The following NR3C1 variants were observed in gnomAD, a reference collection of about 807,000 sequenced individuals.
The protein encoded by NR3C1 is glucocorticoid receptor.
A neutral mutation model predicts 74.0 loss-of-function variants in NR3C1; 14 were observed. The observed-to-expected ratio is 0.19, with a 90% confidence interval of 0.12 to 0.30. The LOEUF (loss-of-function observed/expected upper bound fraction) is 0.30, where lower values mean the gene tolerates loss of function less well. Among genes scored for constraint, NR3C1 ranks in the 10% least tolerant of loss-of-function variants. The pLI, the probability that NR3C1 is intolerant of heterozygous loss-of-function variation, is 1.00. For missense variants in NR3C1, 695 were observed against 909.8 expected (o/e 0.76, Z 3.04); for synonymous variants, 308 against 332.5 (o/e 0.93, Z 0.80).
intron 3 of NR3C1, among the ~76,000 whole-genome samples, chr5:143,313,095 G>T (rs1472177866): frequency 1.3e-5 from 2 of 152,198 alleles, no homozygotes; most frequent in Non-Finnish European, 2.9e-5. Flanking sequence ...TACAGTGAAT[G>T]AATAATTGTT....
At chr5:143,371,450 T>C (rs770404904) in intron 2 of NR3C1, among the ~76,000 whole-genome samples, 9 of 152,260 alleles carry the variant, frequency 5.9e-5, no homozygotes, top group Non-Finnish European at 1.2e-4. Flanking sequence ...TGTAAACTCC[T>C]GGCTTTTTCT....
upstream of NR3C1, chr5:143,405,113 G>C (rs1440172559): frequency 2.0e-6 from 2 of 985,512 alleles, no homozygotes; most frequent in Non-Finnish European, 1.2e-6. Context: ...TCGCCGCGTC[G>C]GGAAGGCTTG....
Position 143,300,753 on chromosome 5 carries a change from T to C in NR3C1, c.1479A>G (p.Thr493=). ...QAGMNLEARK[T]KKKIKGIQQA... ...GCTGAATTCCTTTTATTTTTTTCTT[T>C]GTTTTTCGAGCTGTGGGTATTTAAA... is the stretch of plus-strand genomic sequence containing the variant. The change falls in exon 5 of 9, where the codon ACA becomes ACG. Residue 493 remains threonine, a synonymous_variant. Coordinates refer to ENST00000394464, the MANE Select transcript of NR3C1 (RefSeq NM_000176.3). The surrounding 1 kb of genome is among the most constrained non-coding windows in gnomAD (Gnocchi z 5.2). 6.2e-7 allele frequency: 1 copy of C among 1,613,780 alleles called. No individual in the cohort carries two copies. The highest frequency in any genetic ancestry group is 1.7e-5 in the Admixed American group (1 of 59,956).
intron 1 of NR3C1, among the ~76,000 whole-genome samples, chr5:143,433,464 A>AGAATTTATTTATTTAAAT: frequency 6.8e-6 from 1 of 146,470 alleles, no homozygotes; most frequent in Non-Finnish European, 1.5e-5. Flanking sequence ...ATATATATAT[A>AGAATTTATTTATTTAAAT]TATATATTTA....
intron 7 of NR3C1, among the ~76,000 whole-genome samples, chr5:143,293,431 C>T (rs995827006): frequency 3.3e-5 from 5 of 152,060 alleles, no homozygotes; most frequent in African/African-American, 4.8e-5. Context: ...GTACACTGCT[C>T]GGGTGATGGG....
In NR3C1 at chr5:143,403,646, G is replaced by A. The variant is rs1035142338; in HGVS notation, c.-449C>T. The stretch of plus-strand genomic sequence containing the variant: ...ACACGCGAAAGGGCAGCCCGGCCTG[G>A]GCGAGCGAGCGGGACCGAGCGGGGA... On this transcript the variant is annotated 5_prime_UTR_variant, in exon 1 of 9. Transcript: ENST00000394464. 1.6e-5 allele frequency: 16 copies of A among 985,866 alleles called. No individual in the cohort carries two copies. Among genetic ancestry groups the A allele is most frequent in the Admixed American group, 6.1e-5 (1 of 16,262 alleles). The allele number at this position is 985,866 out of a possible 1,614,324, so 61.1% of individuals were successfully genotyped here.
rs1164432923 is a variant in NR3C1 at position 143,278,929 on chromosome 5, T to TA, written c.*2959dup. 1.3e-5 allele frequency: 2 copies of TA among 159,258 alleles called. No homozygotes were observed. The highest frequency in any genetic ancestry group is 2.7e-5 in the Non-Finnish European group (2 of 73,322). 9.9% of individuals were successfully genotyped at this position (159,258 alleles called of 1,614,324 possible). A position where few individuals can be genotyped will look rare whatever the true frequency, so the allele number is the denominator to read the frequency against. On this transcript the variant is annotated 3_prime_UTR_variant, in exon 9 of 9. Coordinates refer to ENST00000394464, the MANE Select transcript of NR3C1 (RefSeq NM_000176.3). ...TGGCCAAGGTTTCCTCCCATAGTTT[T>TA]AGGCATTTGGATATATATACCCCAA...
intron 1 of NR3C1, chr5:143,402,648 G>C (rs759536101): frequency 1.6e-4 from 155 of 985,378 alleles, no homozygotes; most frequent in Non-Finnish European, 1.9e-4. Context: ...AGATAACGCC[G>C]GCCCCGGCCG....
At chr5:143,386,808 C>T (rs1016386455) in intron 2 of NR3C1, among the ~76,000 whole-genome samples, 1 of 152,206 alleles carries the variant, frequency 6.6e-6, no homozygotes, top group Non-Finnish European at 1.5e-5. Context: ...CTCACTTACA[C>T]TCAGATATGC....
intron 6 of NR3C1, among the ~76,000 whole-genome samples, chr5:143,295,831 T>C (rs563220227): frequency 4.6e-5 from 7 of 152,332 alleles, no homozygotes; most frequent in Non-Finnish European, 8.8e-5. Flanking sequence ...TTATTTTCTA[T>C]CATGCATGCC....
chr5:143,282,715 G>A lies in NR3C1; in HGVS notation c.2034C>T (p.Asp678=), dbSNP rs258751. ...CAAATAGCTCTTGGCTCTTCAGACCGTCCTTAGGAACTAAAAGGTTAAGAT... is the reference window on the plus strand; with the variant it reads ...CAAATAGCTCTTGGCTCTTCAGACCATCCTTAGGAACTAAAAGGTTAAGAT... ...TLLLLSSVPK[D]GLKSQELFDE... Residue 678 remains aspartate, a synonymous_variant, in exon 8 of 9, where the codon GAC becomes GAT. Coordinates refer to ENST00000394464, the MANE Select transcript of NR3C1 (RefSeq NM_000176.3). 15,234 of 1,612,806 alleles carry A rather than the reference G, an allele frequency of 9.4e-3. 591 individuals carry two copies. In the African/African-American group the frequency reaches 0.11, roughly 12 times the overall value.
intron 1 of NR3C1, among the ~76,000 whole-genome samples, chr5:143,420,080 G>C (rs934020434): frequency 4.6e-5 from 7 of 152,090 alleles, no homozygotes; most frequent in Admixed American, 2.0e-4. Flanking sequence ...CTGGCTCACC[G>C]GCGGTCAGAG....
intron 2 of NR3C1, among the ~76,000 whole-genome samples, chr5:143,332,413 G>A (rs12055199): frequency 6.7e-6 from 1 of 149,434 alleles, no homozygotes; most frequent in Admixed American, 6.7e-5. Context: ...CCCGTTGGGT[G>A]GGGGGGCGGG....
intron 2 of NR3C1, among the ~76,000 whole-genome samples, chr5:143,390,596 T>A (rs2151913698): frequency 6.6e-6 from 1 of 152,260 alleles, no homozygotes. Context: ...GAAGAGGGAA[T>A]ATATAAACTG....
intron 2 of NR3C1, among the ~76,000 whole-genome samples, chr5:143,326,332 C>T (rs1401344714): frequency 6.6e-6 from 1 of 152,186 alleles, no homozygotes; most frequent in Non-Finnish European, 1.5e-5. Flanking sequence ...TTTCTGTTTT[C>T]TATCTATCCT....
chr5:143,414,420 T>A (rs1408844704), intron 1 of NR3C1, among the ~76,000 whole-genome samples: 1 of 152,184 alleles, frequency 6.6e-6, no homozygotes, highest in Admixed American at 6.5e-5. Flanking sequence ...ATAGAAGCAG[T>A]AGGCACTCTG....
intron 1 of NR3C1, among the ~76,000 whole-genome samples, chr5:143,402,068 T>C (rs1044765820): frequency 6.6e-6 from 1 of 152,192 alleles, no homozygotes; most frequent in African/African-American, 2.4e-5. Context: ...TGGCCCTCAC[T>C]GAAAAGTGAA....
At chr5:143,348,617 G>A (rs925667920) in intron 2 of NR3C1, among the ~76,000 whole-genome samples, 1 of 152,094 alleles carries the variant, frequency 6.6e-6, no homozygotes, top group African/African-American at 2.4e-5. Flanking sequence ...TGGGAATTTT[G>A]CTGTTTAAAA....
At chr5:143,304,384 A>G (rs569901277) in intron 4 of NR3C1, among the ~76,000 whole-genome samples, 1 of 152,278 alleles carries the variant, frequency 6.6e-6, no homozygotes, top group African/African-American at 2.4e-5. Flanking sequence ...GGAGAACTAC[A>G]AAACACTGCT....
Sources: allele counts gnomAD v4.1 joint callset (sites outside exome capture counted in the v4.1 genomes callset), GRCh38; gene constraint gnomAD v4.1.1; non-coding constraint Gnocchi (gnomAD v3.1); transcripts MANE v1.5; gene names NCBI Gene and HGNC (gene_info 2026-07-23, HGNC 2026-07-21).